The following CTIF variants were observed in gnomAD, a reference collection of about 807,000 sequenced individuals.
The protein encoded by CTIF is cap binding complex dependent translation initiation factor.
CTIF carries 21 observed loss-of-function variants against 66.0 expected under a neutral mutation model. The ratio of observed to expected loss-of-function variants is 0.32; its 90% CI spans 0.23 to 0.46. The LOEUF (loss-of-function observed/expected upper bound fraction) is 0.46, where lower values mean the gene tolerates loss of function less well. Ranked by LOEUF, CTIF falls within the 20% of genes least tolerant of loss-of-function variation. CTIF has a pLI of 1.00. For synonymous variants in CTIF, 345 were observed against 326.4 expected (o/e 1.06, Z -0.62); for missense variants, 739 against 812.7 (o/e 0.91, Z 1.10).
chr18:48,569,910 G>T (rs2089373100), intron 1 of CTIF, among the ~76,000 whole-genome samples: 1 of 152,202 alleles, frequency 6.6e-6, no homozygotes, highest in Non-Finnish European at 1.5e-5. Context: ...ATCTTACCTT[G>T]TCCTTCTTTA....
At chr18:48,696,168 A>G (rs1005928258) in intron 6 of CTIF, among the ~76,000 whole-genome samples, 1 of 152,228 alleles carries the variant, frequency 6.6e-6, no homozygotes, top group Non-Finnish European at 1.5e-5. Context: ...GGTGAAGCTT[A>G]GGGCTCTGGC....
chr18:48,824,602 G>A (rs559231771), intron 10 of CTIF, among the ~76,000 whole-genome samples: 4 of 151,938 alleles, frequency 2.6e-5, no homozygotes, highest in Non-Finnish European at 4.4e-5. Context: ...TCTCTGGCAG[G>A]GGAATTTTCT....
intron 6 of CTIF, among the ~76,000 whole-genome samples, chr18:48,693,718 G>A (rs1027941599): frequency 6.6e-6 from 1 of 152,170 alleles, no homozygotes; most frequent in African/African-American, 2.4e-5. Context: ...CAGTGCAAGG[G>A]TCTATCGGCC....
chr18:48,646,217 TA>T (rs1247885699), intron 3 of CTIF, among the ~76,000 whole-genome samples: 1 of 152,048 alleles, frequency 6.6e-6, no homozygotes, highest in African/African-American at 2.4e-5. Flanking sequence ...AACTCATCAT[TA>T]AAAAACAATC....
At chr18:48,731,016 G>C (rs1598942504) in intron 7 of CTIF, among the ~76,000 whole-genome samples, 1 of 152,136 alleles carries the variant, frequency 6.6e-6, no homozygotes, top group African/African-American at 2.4e-5. Context: ...GAAAAGTGGA[G>C]AACCATTTGG....
At chr18:48,837,469 G>T (rs542770927) in intron 10 of CTIF, among the ~76,000 whole-genome samples, 1 of 152,268 alleles carries the variant, frequency 6.6e-6, no homozygotes, top group East Asian at 1.9e-4. Flanking sequence ...CTGAGGTCTG[G>T]GCTGGGGGAA....
At chr18:48,777,127 A>G (rs910577859) in intron 9 of CTIF, among the ~76,000 whole-genome samples, 27 of 151,414 alleles carry the variant, frequency 1.8e-4, no homozygotes, top group Non-Finnish European at 1.0e-4. Flanking sequence ...CCCATCCCCA[A>G]CTCTCCCCAC....
At position 48,859,679 on chromosome 18, in the gene CTIF, G is replaced by C. The variant is rs1295463007; in HGVS notation, c.*120G>C. 4 of 933,342 alleles carry C rather than the reference G, an allele frequency of 4.3e-6. No individual in the cohort carries two copies. The South Asian group carries it at 5.6e-5, about 13-fold the overall frequency. 57.8% of individuals were successfully genotyped at this position (933,342 alleles called of 1,614,324 possible). A position where few individuals can be genotyped will look rare whatever the true frequency, so the allele number is the denominator to read the frequency against. On this transcript the variant is annotated 3_prime_UTR_variant, in exon 12 of 12. Coordinates refer to ENST00000256413, the MANE Select transcript of CTIF (RefSeq NM_014772.3). The stretch of plus-strand genomic sequence containing the variant: ...GAGAAAGAAATGGGGAGGAGGGCAG[G>C]CAGAGTCGGTGGCCAGTCTGGAGCC...
chr18:48,592,414 T>C (rs1002600401), intron 1 of CTIF, among the ~76,000 whole-genome samples: 1 of 151,638 alleles, frequency 6.6e-6, no homozygotes, highest in African/African-American at 2.4e-5. Context: ...AGAGAATCGC[T>C]TGAACCCAGG....
chr18:48,769,429 T>C (rs1403197378), intron 9 of CTIF, among the ~76,000 whole-genome samples: 1 of 152,266 alleles, frequency 6.6e-6, no homozygotes, highest in Non-Finnish European at 1.5e-5. Flanking sequence ...TTTCTAAAAA[T>C]GGCTGGCATC....
intron 1 of CTIF, among the ~76,000 whole-genome samples, chr18:48,542,916 A>T (rs148839573): frequency 4.7e-4 from 71 of 152,282 alleles, no homozygotes; most frequent in Non-Finnish European, 8.7e-4. Context: ...TTCTGGCGAC[A>T]CGGAGCTAAG....
intron 6 of CTIF, among the ~76,000 whole-genome samples, chr18:48,678,288 T>G (rs2091671803): frequency 6.6e-6 from 1 of 152,090 alleles, no homozygotes. Context: ...AGAGAAATAT[T>G]TTTTTCTTCT....
At chr18:48,602,673 C>T (rs1223559874) in intron 1 of CTIF, among the ~76,000 whole-genome samples, 3 of 152,328 alleles carry the variant, frequency 2.0e-5, no homozygotes, top group Admixed American at 1.3e-4. Context: ...CTCTGGGCCC[C>T]TGTAGCACTT....
intron 9 of CTIF, among the ~76,000 whole-genome samples, chr18:48,808,681 C>T (rs2068201396): frequency 1.3e-5 from 2 of 152,138 alleles, no homozygotes; most frequent in East Asian, 1.9e-4. Flanking sequence ...ATTTGTGGTC[C>T]TCAAGGGATC....
At chr18:48,780,624 T>C (rs557746299) in intron 9 of CTIF, among the ~76,000 whole-genome samples, 24 of 152,278 alleles carry the variant, frequency 1.6e-4, no homozygotes, top group Admixed American at 6.5e-4. Flanking sequence ...CTCTGCCTGA[T>C]AAAGGGGGAT....
At chr18:48,728,125 C>G (rs189816398) in intron 7 of CTIF, among the ~76,000 whole-genome samples, 1 of 152,298 alleles carries the variant, frequency 6.6e-6, no homozygotes, top group Admixed American at 6.5e-5. Context: ...GACAATGTTG[C>G]TAAACATTTT....
At chr18:48,640,371 G>A (rs917179425) in intron 3 of CTIF, among the ~76,000 whole-genome samples, 1 of 152,234 alleles carries the variant, frequency 6.6e-6, no homozygotes, top group Non-Finnish European at 1.5e-5. Flanking sequence ...CTGGCCTAGG[G>A]CCTTGTACTC....
At position 48,817,386 on chromosome 18, in the gene CTIF, C is replaced by T. The variant is rs1449724512; in HGVS notation, c.1527+10C>T. ...CACCTGCCTCAGGGAGGTAAGAGAC[C>T]TGCCGCCTGTGCCCCCTGCACAGCC... On this transcript the variant is annotated intron_variant, in intron 10 of 11. Transcript: ENST00000256413. 1.2e-6 allele frequency: 2 copies of T among 1,605,396 alleles called. No homozygotes were observed. Among genetic ancestry groups the T allele is most frequent in the African/African-American group, 1.3e-5 (1 of 74,932 alleles).
intron 8 of CTIF, chr18:48,760,399 C>T (rs568515522): frequency 6.6e-6 from 1 of 152,194 alleles, no homozygotes; most frequent in Non-Finnish European, 1.5e-5. Context: ...TAGATTTTCT[C>T]GTCTAACCTC....
Sources: gnomAD v4.1 joint callset for allele counts (sites outside exome capture counted in the v4.1 genomes callset) on GRCh38, gnomAD v4.1.1 for gene constraint, MANE v1.5 for transcripts, NCBI Gene and HGNC (gene_info 2026-07-23, HGNC 2026-07-21) for gene names.